ASTN2: variants seen among roughly 807,000 people sequenced by gnomAD.
ASTN2 encodes the protein astrotactin 2, also known as astrotactin-2.
ASTN2 carries 54 observed loss-of-function variants against 139.8 expected under a neutral mutation model. That is an observed-to-expected ratio of 0.39 (90% CI 0.31 to 0.48). ASTN2 has a LOEUF of 0.48. ASTN2 is among the 20% of genes least tolerant of loss of function. ASTN2 has a pLI of 0.95. For missense variants in ASTN2, 1,565 were observed against 1,725.1 expected, an observed-to-expected ratio of 0.91 and a Z score of 1.64; for synonymous variants, 756 against 719.5, an observed-to-expected ratio of 1.05 and a Z score of -0.81.
At chr9:117,402,543 T>A (rs1410554969) in intron 1 of ASTN2, among the ~76,000 whole-genome samples, 2 of 152,040 alleles carry the variant, frequency 1.3e-5, no homozygotes, top group African/African-American at 4.8e-5. Context: ...AATAGTGTGA[T>A]CCCAGACAAG....
At chr9:116,986,557 G>A (rs1836689025) in intron 7 of ASTN2, among the ~76,000 whole-genome samples, 2 of 152,178 alleles carry the variant, frequency 1.3e-5, no homozygotes, top group African/African-American at 2.4e-5. Context: ...TGAAAAGGGA[G>A]GGTAACAATA....
chr9:116,773,085 A>T (rs200711444), intron 13 of ASTN2, among the ~76,000 whole-genome samples: 11 of 143,560 alleles, frequency 7.7e-5, no homozygotes, highest in African/African-American at 1.5e-4. Flanking sequence ...CCTCCATCCT[A>T]TTTTTTTTTT....
rs185370133 is a variant in ASTN2 at position 116,947,090 on chromosome 9, G to A, written c.1889+28118C>T. Among the ~76,000 whole-genome samples the A allele has an allele frequency of 5.2e-3, 798 of 152,242 alleles. 1 individual carries two copies. The highest frequency in any genetic ancestry group is 0.012 in the South Asian group (58 of 4,814). Reference sequence around the variant, plus strand: ...AGACTAACCCTTGATATTTCTTCAAGGGACATTCTACCTGATGTGTATTTT... The same window carrying A: ...AGACTAACCCTTGATATTTCTTCAAAGGACATTCTACCTGATGTGTATTTT... On this transcript the variant is annotated intron_variant, in intron 10 of 22. Coordinates refer to ENST00000313400, the MANE Select transcript of ASTN2 (RefSeq NM_001365068.1).
chr9:116,869,171 C>A (rs1306002351), intron 10 of ASTN2, among the ~76,000 whole-genome samples: 2 of 151,824 alleles, frequency 1.3e-5, no homozygotes, highest in African/African-American at 4.8e-5. Flanking sequence ...GGCAACAGAG[C>A]AAGACTCCTG....
At chr9:116,590,005 T>C (rs1289256204) in intron 19 of ASTN2, among the ~76,000 whole-genome samples, 3 of 152,192 alleles carry the variant, frequency 2.0e-5, no homozygotes, top group Non-Finnish European at 4.4e-5. Flanking sequence ...GAGGTGGTCA[T>C]TGAGGGGTAG....
chr9:116,826,266 G>C lies in ASTN2; in HGVS notation c.2041-5483C>G, dbSNP rs115421204. On this transcript the variant is annotated intron_variant, in intron 11 of 22. Coordinates refer to ENST00000313400, the MANE Select transcript of ASTN2 (RefSeq NM_001365068.1). ...CTGCAAGGGGCTGCTGTGAGACCAA[G>C]ACTCAAGTGGGCCACACTCACCACA... Among the ~76,000 whole-genome samples, 493 of 152,304 alleles carry C rather than the reference G, an allele frequency of 3.2e-3. 3 individuals carry two copies. The highest frequency in any genetic ancestry group is 0.012 in the African/African-American group (481 of 41,560).
chr9:116,717,684 G>A (rs369913189), intron 16 of ASTN2, among the ~76,000 whole-genome samples: 2 of 152,268 alleles, frequency 1.3e-5, no homozygotes, highest in African/African-American at 4.8e-5. Context: ...CTGCCCTGGG[G>A]TCAAGCAGCT....
At chr9:117,256,886 T>G (rs10983585) in intron 2 of ASTN2, among the ~76,000 whole-genome samples, 17,844 of 152,018 alleles carry the variant, frequency 0.12, 1,516 homozygotes, top group African/African-American at 0.23. Context: ...GAAACTGAAG[T>G]TCAGAGAGGT....
At chr9:117,302,784 T>A (rs1215083649) in intron 1 of ASTN2, among the ~76,000 whole-genome samples, 1 of 152,118 alleles carries the variant, frequency 6.6e-6, no homozygotes, top group African/African-American at 2.4e-5. Flanking sequence ...TAAACATACT[T>A]GACATTAAGT....
chr9:117,139,896 CA>C (rs1387839276), intron 4 of ASTN2, among the ~76,000 whole-genome samples: 1 of 152,152 alleles, frequency 6.6e-6, no homozygotes, highest in Non-Finnish European at 1.5e-5. Context: ...ATTAGTGTAT[CA>C]GGTTGGTGCA....
chr9:117,000,689 G>T (rs961578815), intron 7 of ASTN2, among the ~76,000 whole-genome samples: 3 of 152,110 alleles, frequency 2.0e-5, no homozygotes, highest in Non-Finnish European at 4.4e-5. Flanking sequence ...ATGTCACTCT[G>T]GTGACATGTT....
intron 2 of ASTN2, among the ~76,000 whole-genome samples, chr9:117,252,208 C>A (rs1833558231): frequency 6.6e-6 from 1 of 152,176 alleles, no homozygotes; most frequent in South Asian, 2.1e-4. Context: ...AGAGCCTGAG[C>A]ACCAAGGGAC....
intron 19 of ASTN2, chr9:116,612,893 C>T (rs868546441): frequency 1.6e-5 from 2 of 126,294 alleles, no homozygotes; most frequent in South Asian, 2.6e-4. Context: ...GAGATAGAGA[C>T]AAAAAAAAAA....
intron 1 of ASTN2, among the ~76,000 whole-genome samples, chr9:117,328,447 A>G (rs1012101593): frequency 6.6e-6 from 1 of 152,180 alleles, no homozygotes; most frequent in African/African-American, 2.4e-5. Flanking sequence ...AACCTCTTGA[A>G]TCATCTCTCT....
intron 3 of ASTN2, among the ~76,000 whole-genome samples, chr9:117,170,881 G>A (rs977031312): frequency 3.9e-5 from 6 of 152,236 alleles, no homozygotes; most frequent in South Asian, 2.1e-4. Context: ...GCCAGGTATC[G>A]TATCCATTGT....
At chr9:116,711,117 G>A (rs1255395381) in intron 16 of ASTN2, among the ~76,000 whole-genome samples, 1 of 152,192 alleles carries the variant, frequency 6.6e-6, no homozygotes, top group Non-Finnish European at 1.5e-5. Context: ...TGCATAGAAG[G>A]CTAATTAGCT....
rs929921823 is a variant in ASTN2, at chr9:117,386,132, G to A, written c.442+28365C>T. Among the ~76,000 whole-genome samples the A allele has an allele frequency of 2.0e-5, 3 of 151,746 alleles. No individual in the cohort carries two copies. The East Asian group carries it at 5.8e-4, about 30-fold the overall frequency. ...AGCTGTCACTCTTTGACAAAGATCA[G>A]GAGGAAAGGAGGGGAAAAAAAAAAG... On this transcript the variant is annotated intron_variant, in intron 1 of 22. Coordinates refer to ENST00000313400, the MANE Select transcript of ASTN2 (RefSeq NM_001365068.1).
intron 16 of ASTN2, among the ~76,000 whole-genome samples, chr9:116,656,785 C>T (rs1350809235): frequency 9.9e-5 from 15 of 151,720 alleles, no homozygotes; most frequent in Admixed American, 7.9e-4. Context: ...TTGCCCTCAT[C>T]CAGAAAACAA....
chr9:117,114,780 C>T (rs886999499), intron 4 of ASTN2, among the ~76,000 whole-genome samples: 1 of 152,144 alleles, frequency 6.6e-6, no homozygotes, highest in African/African-American at 2.4e-5. Flanking sequence ...AAAGGCCATG[C>T]AATGTCACTT....
Sources: allele counts gnomAD v4.1 joint callset (sites outside exome capture counted in the v4.1 genomes callset), GRCh38; gene constraint gnomAD v4.1.1; transcripts MANE v1.5; gene names NCBI Gene and HGNC (gene_info 2026-07-23, HGNC 2026-07-21).